Variants in NSUN2 observed in about 807,000 individuals in gnomAD.
NSUN2 encodes the protein RNA cytosine C(5)-methyltransferase NSUN2.
Under a neutral mutation model 92.7 loss-of-function variants are expected in NSUN2, and 63 were observed. That is an observed-to-expected ratio of 0.68 (90% CI 0.56 to 0.84). The LOEUF is 0.84. Ranked by LOEUF, NSUN2 falls within the 40% of genes least tolerant of loss-of-function variation. The pLI, the probability that NSUN2 is intolerant of heterozygous loss-of-function variation, is 0.00. For synonymous variants in NSUN2, 356 were observed against 348.3 expected (o/e 1.02, Z -0.25); for missense variants, 989 against 964.9 (o/e 1.02, Z -0.33).
Position 6,602,426 on chromosome 5 carries a change from G to A in NSUN2, c.1997+35C>T, listed in dbSNP as rs199972261. 1.6e-5 allele frequency: 25 copies of A among 1,601,108 alleles called. No individual in the cohort carries two copies. The Middle Eastern group carries it at 6.6e-4, about 42-fold the overall frequency. On this transcript the variant is annotated intron_variant, in intron 18 of 18. Transcript: ENST00000264670. The stretch of plus-strand genomic sequence containing the variant: ...AGAACACTGTAGCTAATGACAAGGC[G>A]TGTGTGTCTAAGGGCAGGGCGTGTA...
intron 17 of NSUN2, among the ~76,000 whole-genome samples, chr5:6,603,164 A>G (rs924125132): frequency 4.6e-5 from 7 of 152,248 alleles, no homozygotes; most frequent in African/African-American, 1.2e-4. Flanking sequence ...GAATGAAGAC[A>G]ACAGAAAGAA....
chr5:6,601,910 G>A (rs10054925), intron 18 of NSUN2, among the ~76,000 whole-genome samples: 2,201 of 152,144 alleles, frequency 0.014, 63 homozygotes, highest in African/African-American at 0.05. Flanking sequence ...TTTCTGTCCC[G>A]GCTTCCTCCT....
intron 3 of NSUN2, among the ~76,000 whole-genome samples, 154 bp from the exon 4 acceptor site, chr5:6,625,823 C>CA (rs1165149717): frequency 3.3e-5 from 5 of 152,218 alleles, no homozygotes; most frequent in African/African-American, 9.6e-5. Flanking sequence ...CAGCAACACT[C>CA]AGAGATGTCG....
At chr5:6,603,858 C>T in intron 17 of NSUN2, 1 of 310,830 alleles carries the variant, frequency 3.2e-6, no homozygotes, top group East Asian at 7.3e-5. Context: ...GCAAGGTGAG[C>T]AAAGGCCAGC....
chr5:6,605,235 C>T, intron 15 of NSUN2, 38 bp downstream of exon 15: 1 of 1,608,962 alleles, frequency 6.2e-7, no homozygotes, highest in Non-Finnish European at 8.5e-7. Context: ...CACACGCATC[C>T]CGCATCACAC....
intron 6 of NSUN2, chr5:6,620,511 T>A: frequency 2.5e-6 from 1 of 404,672 alleles, no homozygotes; most frequent in Non-Finnish European, 4.4e-6. Context: ...TTTGAAAGCC[T>A]CAAAAGTCAT....
chr5:6,614,476 G>A (rs1194553607), intron 9 of NSUN2, among the ~76,000 whole-genome samples: 2 of 152,158 alleles, frequency 1.3e-5, no homozygotes, highest in Non-Finnish European at 2.9e-5. Context: ...CGAACATGGT[G>A]CACTGTGTGT....
chr5:6,632,974 C>T lies in NSUN2; in HGVS notation c.6G>A (p.Gly2=), dbSNP rs1738002010. The T allele has an allele frequency of 6.8e-7, 1 of 1,473,456 alleles. No homozygotes were observed. The highest frequency in any genetic ancestry group is 8.9e-7 in the Non-Finnish European group (1 of 1,122,336). 91.3% of individuals were successfully genotyped at this position (1,473,456 alleles called of 1,614,324 possible). A position where few individuals can be genotyped will look rare whatever the true frequency, so the allele number is the denominator to read the frequency against. M[G]RRSRGRRLQQ... ...GGAGCCGCCGACCCCGCGACCGCCGCCCCATAGCCCACGCGGCCGCGCACG... is the reference window on the plus strand; with the variant it reads ...GGAGCCGCCGACCCCGCGACCGCCGTCCCATAGCCCACGCGGCCGCGCACG... The change falls in exon 1 of 19, where the codon GGG becomes GGA. Residue 2 remains glycine, a synonymous_variant. Coordinates refer to ENST00000264670, the MANE Select transcript of NSUN2 (RefSeq NM_017755.6).
At chr5:6,614,850 G>A (rs3776436) in intron 9 of NSUN2, among the ~76,000 whole-genome samples, 87,107 of 151,384 alleles carry the variant, frequency 0.58, 25,893 homozygotes, top group Non-Finnish European at 0.66. Flanking sequence ...AGTCCTGCCT[G>A]CAAAGAGTGA....
chr5:6,611,155 G>A lies in NSUN2; in HGVS notation c.1096-70C>T, dbSNP rs73737136. The A allele has an allele frequency of 2.4e-4, 365 of 1,543,254 alleles. No homozygotes were observed. The African/African-American group carries it at 3.5e-3, about 15-fold the overall frequency. On this transcript the variant is annotated intron_variant, in intron 10 of 18. Coordinates refer to ENST00000264670, the MANE Select transcript of NSUN2 (RefSeq NM_017755.6). ...TACCAACAAAAATCACAGGGCAGGA[G>A]TATCCATTCTCTCAAAGGTGACAAA...
chr5:6,610,022 G>T, intron 11 of NSUN2, 100 bp from the exon 12 acceptor site: 1 of 803,774 alleles, frequency 1.2e-6, no homozygotes, highest in Non-Finnish European at 1.9e-6. Flanking sequence ...GAAAAATCAT[G>T]TCTTCGACCC....
rs773052587 is a variant in NSUN2, at chr5:6,600,204, C to T, written c.2026G>A (p.Val676Ile). The change falls in exon 19 of 19, where the codon GTC (valine) becomes ATC (isoleucine). Residue 676 changes from valine to isoleucine, a missense_variant. By Grantham distance (29) the Val-to-Ile change is conservative (BLOSUM62 3). This residue lies in a region of NSUN2 where 626 missense variants were observed against 602.3 expected (regional missense o/e 1.04). Transcript: ENST00000264670. ...ANPDALQCPI[V>I]LCGWRGKASI... is the part of the protein sequence containing the mutation. ...GCCTTTCCCCGCCATCCGCATAAGA[C>T]GATGGGACACTGCAGAGCGTCTGGA... 4.3e-5 allele frequency: 69 copies of T among 1,614,176 alleles called. No individual in the cohort carries two copies. Among genetic ancestry groups the T allele is most frequent in the South Asian group, 6.6e-5 (6 of 91,068 alleles).
At chr5:6,629,630 G>A (rs560998997) in intron 3 of NSUN2, among the ~76,000 whole-genome samples, 2 of 152,234 alleles carry the variant, frequency 1.3e-5, no homozygotes, top group African/African-American at 2.4e-5. Flanking sequence ...CATGCCCGAG[G>A]AGAATCGTAA....
intron 17 of NSUN2, among the ~76,000 whole-genome samples, chr5:6,602,865 C>T (rs78436642): frequency 0.017 from 2,647 of 152,262 alleles, 36 homozygotes; most frequent in South Asian, 0.028. Flanking sequence ...GCATGAAATA[C>T]ATAAAAATTG....
At chr5:6,605,032 C>A in intron 15 of NSUN2, 1 of 607,802 alleles carries the variant, frequency 1.6e-6, no homozygotes, top group Non-Finnish European at 2.9e-6. Context: ...CATGGCTCAC[C>A]CCCCTGCGGG....
intron 5 of NSUN2, among the ~76,000 whole-genome samples, chr5:6,622,452 C>T (rs1033365170): frequency 6.6e-6 from 1 of 152,200 alleles, no homozygotes; most frequent in South Asian, 2.1e-4. Flanking sequence ...AGTTCAAGTA[C>T]TTCTCCTTGC....
intron 4 of NSUN2, among the ~76,000 whole-genome samples, chr5:6,623,811 T>C (rs1737551553): frequency 6.6e-6 from 1 of 152,028 alleles, no homozygotes; most frequent in Non-Finnish European, 1.5e-5. Context: ...CATCTTTCCA[T>C]CTTTAGACCT....
At chr5:6,609,070 G>C (rs912200321) in intron 12 of NSUN2, among the ~76,000 whole-genome samples, 5 of 152,172 alleles carry the variant, frequency 3.3e-5, no homozygotes, top group African/African-American at 1.2e-4. Context: ...AAAAAGGCTG[G>C]AGCTCTTTGC....
chr5:6,607,277 T>C lies in NSUN2; in HGVS notation c.1431A>G (p.Thr477=), dbSNP rs1736815101. The change falls in exon 13 of 19, where the codon ACA becomes ACG. Residue 477 remains threonine, a synonymous_variant. Coordinates refer to ENST00000264670, the MANE Select transcript of NSUN2 (RefSeq NM_017755.6). ...GAGCTATTTCTGTGTCACCAGTTCC[T>C]GTGAATGACGGACTTTCCAGCTTAG... ...DPSKLESPSF[T]GTGDTEIAHA... 1.9e-6 allele frequency: 3 copies of C among 1,614,250 alleles called. No individual in the cohort carries two copies. Among genetic ancestry groups the C allele is most frequent in the South Asian group, 1.1e-5 (1 of 91,088 alleles).
Sources: gnomAD v4.1 joint callset for allele counts (sites outside exome capture counted in the v4.1 genomes callset) on GRCh38, gnomAD v4.1.1 for gene constraint, gnomAD v4.1.1 regional missense constraint, MANE v1.5 for transcripts, NCBI Gene and HGNC (gene_info 2026-07-23, HGNC 2026-07-21) for gene names.